ZDHHC19: variants seen among roughly 807,000 people sequenced by gnomAD.
The protein encoded by ZDHHC19 is palmitoyltransferase ZDHHC19.
In ZDHHC19, 30 loss-of-function variants were observed where a neutral mutation model predicts 33.9. The ratio of observed to expected loss-of-function variants is 0.88; its 90% confidence interval spans 0.66 to 1.20. The LOEUF (loss-of-function observed/expected upper bound fraction) is 1.20. Among genes scored for constraint, ZDHHC19 ranks in the 50% most tolerant of loss-of-function variants. The probability of loss-of-function intolerance (pLI) is 0.00; values close to 1 mark genes in which losing one functional copy is unlikely to be tolerated. For synonymous variants in ZDHHC19, 178 were observed against 167.6 expected, an observed-to-expected ratio of 1.06 and a Z score of -0.48; for missense variants, 364 against 401.1, an observed-to-expected ratio of 0.91 and a Z score of 0.79.
chr3:196,198,302 GC>G lies in ZDHHC19; in HGVS notation c.922del (p.Ala308ArgfsTer45), dbSNP rs746067942. On this transcript the variant is annotated frameshift_variant, in exon 7 of 8. Transcript: ENST00000296326. LOFTEE classifies it high-confidence loss of function. ...TCCTGGAGAGCTGCAGCCTCACCAC[GC>G]CCCGGGGGTCCCTTCCCTGCTTTGT... ...SLQSREGTPG[A>X]W The G allele has an allele frequency of 2.1e-5, 31 of 1,500,956 alleles. No homozygotes were observed. The South Asian group carries it at 4.2e-4, about 20-fold the overall frequency. 93.0% of individuals were successfully genotyped at this position (1,500,956 alleles called of 1,614,324 possible).
chr3:196,208,404 T>C lies in ZDHHC19; in HGVS notation c.565A>G (p.Thr189Ala), dbSNP rs2108738502. The C allele has an allele frequency of 6.2e-7, 1 of 1,607,940 alleles. No individual in the cohort carries two copies. Among genetic ancestry groups the C allele is most frequent in the South Asian group, 1.1e-5 (1 of 91,010 alleles). ...GGCGGATACGCGATGGCCTTGTCGG[T>C]GGAGAAGGGCAGGTGGGTTGTGCGC... Reference protein sequence around the residue: ...LVRTTHLPFSTDKAIAIVVAV... With the variant: ...LVRTTHLPFSADKAIAIVVAV... The change falls in exon 4 of 8, where the codon ACC (threonine) becomes GCC (alanine). Residue 189 changes from threonine to alanine, a missense_variant. Transcript: ENST00000296326.
chr3:196,207,482 G>C lies in ZDHHC19; in HGVS notation c.603C>G (p.Ala201=), dbSNP rs1227125804. The change falls in exon 5 of 8, where the codon GCC becomes GCG. Residue 201 remains alanine, a synonymous_variant. Transcript: ENST00000296326. ...GGGACAGCGGCACCAGGAGGCCCGC[G>C]GCGGACACGGCCACCACGATGCTGC... ...KAIAIVVAVS[A]AGLLVPLSLL... 1.2e-5 allele frequency: 18 copies of C among 1,565,058 alleles called. No individual in the cohort carries two copies. The African/African-American group carries it at 2.4e-4, about 21-fold the overall frequency.
chr3:196,202,015 G>A (rs1426093415), intron 5 of ZDHHC19, among the ~76,000 whole-genome samples: 1 of 152,000 alleles, frequency 6.6e-6, no homozygotes, highest in Non-Finnish European at 1.5e-5. Context: ...GGAATATTTT[G>A]GGGCCTTAAA....
At position 196,198,454 on chromosome 3, in the gene ZDHHC19, G is replaced by T. The variant is rs1721978314; in HGVS notation, c.774-3C>A. On this transcript the variant is annotated splice_region_variant and splice_polypyrimidine_tract_variant and intron_variant, in intron 6 of 7. Coordinates refer to ENST00000296326, the MANE Select transcript of ZDHHC19 (RefSeq NM_001039617.2). ...GCTGGACAGCTTCAGCCATGTACCTGGGGAGCAGCAGGCCAGATGCAGGGG... is the reference window on the plus strand; with the variant it reads ...GCTGGACAGCTTCAGCCATGTACCTTGGGAGCAGCAGGCCAGATGCAGGGG... 6.3e-7 allele frequency: 1 copy of T among 1,582,924 alleles called. No homozygotes were observed. Among genetic ancestry groups the T allele is most frequent in the Admixed American group, 1.8e-5 (1 of 55,174 alleles).
rs1245745143 is a variant in ZDHHC19 at position 196,207,446 on chromosome 3, C to T, written c.639G>A (p.Leu213=). ...GLLVPLSLLL[L]IQALSVSSAD... ...CCGAGCTCACGGACAGTGCCTGGAT[C>T]AGCAGCAGGAGGGACAGCGGCACCA... The change falls in exon 5 of 8, where the codon CTG becomes CTA. Residue 213 remains leucine (L), a synonymous_variant. Coordinates refer to ENST00000296326, the MANE Select transcript of ZDHHC19 (RefSeq NM_001039617.2). The T allele has an allele frequency of 6.3e-7, 1 of 1,576,294 alleles. No individual in the cohort carries two copies.
At position 196,210,715 on chromosome 3, in the gene ZDHHC19, C is replaced by G. The variant is rs776580091; in HGVS notation, c.169G>C (p.Gly57Arg). ...AFPCRWLAQN[G>R]EWAFPVITGS... The stretch of plus-strand genomic sequence containing the variant: ...GTGATAACAGGAAAGGCCCACTCCC[C>G]GTTCTGAGCCAGCCACCTGCAACTG... The change falls in exon 2 of 8, where the codon GGG becomes CGG. Residue 57 changes from glycine to arginine, a missense_variant. Coordinates refer to ENST00000296326, the MANE Select transcript of ZDHHC19 (RefSeq NM_001039617.2). The G allele has an allele frequency of 1.9e-6, 3 of 1,613,682 alleles. No homozygotes were observed. Among genetic ancestry groups the G allele is most frequent in the African/African-American group, 2.7e-5 (2 of 74,936 alleles).
chr3:196,207,480 G>T lies in ZDHHC19; in HGVS notation c.605C>A (p.Ala202Glu). The stretch of plus-strand genomic sequence containing the variant: ...GAGGGACAGCGGCACCAGGAGGCCC[G>T]CGGCGGACACGGCCACCACGATGCT... ...AIAIVVAVSA[A>E]GLLVPLSLLL... The change falls in exon 5 of 8, where the codon GCG becomes GAG. Residue 202 changes from alanine (A) to glutamate (E), a missense_variant. Ala to Glu is a moderately radical substitution (Grantham distance 107). Coordinates refer to ENST00000296326, the MANE Select transcript of ZDHHC19 (RefSeq NM_001039617.2). The T allele has an allele frequency of 1.3e-6, 2 of 1,567,240 alleles. No individual in the cohort carries two copies. The highest frequency in any genetic ancestry group is 8.6e-7 in the Non-Finnish European group (1 of 1,156,702).
chr3:196,205,872 C>G (rs1201884770), intron 5 of ZDHHC19, among the ~76,000 whole-genome samples: 1 of 152,078 alleles, frequency 6.6e-6, no homozygotes, highest in Non-Finnish European at 1.5e-5. Flanking sequence ...GTTGGCCAGG[C>G]TGGTCTCGAA....
In ZDHHC19 at chr3:196,211,222, C is replaced by G; in HGVS notation, c.94G>C (p.Ala32Pro). ...RPWFLPSLFAAFNVVLLVFFS... is the reference protein window; with the variant it reads ...RPWFLPSLFAPFNVVLLVFFS... ...AAGACCAGCAGCACCACATTGAAGG[C>G]AGCAAAGAGGCTAGGGAGGAACCAG... The change falls in exon 1 of 8, where the codon GCC (alanine) becomes CCC (proline). Residue 32 changes from alanine (A) to proline (P), a missense_variant. Coordinates refer to ENST00000296326, the MANE Select transcript of ZDHHC19 (RefSeq NM_001039617.2). 1 of 1,614,190 alleles carries G rather than the reference C, an allele frequency of 6.2e-7. No individual in the cohort carries two copies. Among genetic ancestry groups the G allele is most frequent in the Non-Finnish European group, 8.5e-7 (1 of 1,180,040 alleles).
At chr3:196,208,705 G>T in intron 3 of ZDHHC19, 145 bp from the exon 4 acceptor site, 1 of 851,544 alleles carries the variant, frequency 1.2e-6, no homozygotes, top group Non-Finnish European at 1.8e-6. Flanking sequence ...GAGAAACTGA[G>T]CCACAGAATG....
In ZDHHC19 at chr3:196,199,853, A is replaced by G. The variant is rs373870809; in HGVS notation, c.688-979T>C. Among the ~76,000 whole-genome samples the G allele has an allele frequency of 3.3e-3, 506 of 151,668 alleles. 7 individuals are homozygous for G. Among genetic ancestry groups the G allele is most frequent in the African/African-American group, 0.011 (455 of 41,020 alleles). ...CCAGCTACTCGGGAGGCTGAGACAGAAGAATCGCTTGAACCCGGGAGGCGG... is the reference window on the plus strand; with the variant it reads ...CCAGCTACTCGGGAGGCTGAGACAGGAGAATCGCTTGAACCCGGGAGGCGG... On this transcript the variant is annotated intron_variant, in intron 5 of 7. Coordinates refer to ENST00000296326, the MANE Select transcript of ZDHHC19 (RefSeq NM_001039617.2).
At chr3:196,204,044 G>A (rs1722555615) in intron 5 of ZDHHC19, among the ~76,000 whole-genome samples, 1 of 152,098 alleles carries the variant, frequency 6.6e-6, no homozygotes. Flanking sequence ...TTGTGCTAGA[G>A]GTCCAAGACA....
At chr3:196,209,740 T>C (rs1282232979) in intron 2 of ZDHHC19, among the ~76,000 whole-genome samples, 1 of 152,198 alleles carries the variant, frequency 6.6e-6, no homozygotes, top group Non-Finnish European at 1.5e-5. Context: ...TTTGGAACAG[T>C]GAGTGCTGCT....
intron 5 of ZDHHC19, among the ~76,000 whole-genome samples, chr3:196,204,754 G>A (rs947208172): frequency 1.3e-5 from 2 of 152,114 alleles, no homozygotes; most frequent in Non-Finnish European, 2.9e-5. Flanking sequence ...TATATATTAC[G>A]GGTAGGAATG....
chr3:196,210,453 G>GAAA (rs58998178), intron 2 of ZDHHC19, among the ~76,000 whole-genome samples, 163 bp downstream of exon 2: 15,528 of 151,192 alleles, frequency 0.1, 3,218 homozygotes, highest in African/African-American at 0.35. Flanking sequence ...AGAAAGAAAA[G>GAAA]AGAAGAGAAG....
intron 5 of ZDHHC19, 152 bp from the exon 6 acceptor site, chr3:196,199,026 C>G (rs1182193797): frequency 6.1e-6 from 4 of 654,710 alleles, no homozygotes; most frequent in African/African-American, 1.8e-5. Flanking sequence ...ACCTCCCCAC[C>G]ACTGCCCCAT....
At chr3:196,202,194 G>A (rs1435596878) in intron 5 of ZDHHC19, among the ~76,000 whole-genome samples, 7 of 152,062 alleles carry the variant, frequency 4.6e-5, no homozygotes, top group African/African-American at 1.4e-4. Context: ...GGTGGTGCAC[G>A]CCCGTAGTTC....
chr3:196,200,964 T>G (rs1438776598), intron 5 of ZDHHC19, among the ~76,000 whole-genome samples: 1 of 151,570 alleles, frequency 6.6e-6, no homozygotes, highest in African/African-American at 2.4e-5. Flanking sequence ...GGAAATAAAT[T>G]TTTATTTATT....
At position 196,211,298 on chromosome 3, in the gene ZDHHC19, A is replaced by G; in HGVS notation, c.18T>C (p.Asp6=). 1 of 1,613,404 alleles carries G rather than the reference A, an allele frequency of 6.2e-7. No homozygotes were observed. The highest frequency in any genetic ancestry group is 8.5e-7 in the Non-Finnish European group (1 of 1,179,570). The change falls in exon 1 of 8, where the codon GAT becomes GAC. Residue 6 remains aspartate, a synonymous_variant. Transcript: ENST00000296326. ...GGGGCTCCTTCACCAGCGGCGTGGC[A>G]TCCGTTAAGAGTGTCATGGCTGGGC... MTLLT[D]ATPLVKEPHP...
Sources: allele counts gnomAD v4.1 joint callset (sites outside exome capture counted in the v4.1 genomes callset), GRCh38; gene constraint gnomAD v4.1.1; transcripts MANE v1.5; gene names NCBI Gene and HGNC (gene_info 2026-07-23, HGNC 2026-07-21).